The following CCDC141 variants were observed in gnomAD, a reference collection of about 807,000 sequenced individuals.
CCDC141 encodes coiled-coil domain containing 141.
Under a neutral mutation model 181.0 loss-of-function variants are expected in CCDC141, and 168 were observed. That is an observed-to-expected ratio of 0.93 (90% CI 0.82 to 1.05). CCDC141 has a LOEUF of 1.05. Among genes scored for constraint, CCDC141 ranks in the 50% least tolerant of loss-of-function variants. The pLI, the probability that CCDC141 is intolerant of heterozygous loss-of-function variation, is 0.00. For missense variants in CCDC141, 1,902 were observed against 1,788.5 expected (o/e 1.06, Z -1.14); for synonymous variants, 666 against 642.3 (o/e 1.04, Z -0.56).
chr2:178,866,144 T>A (rs1685842216), intron 16 of CCDC141, among the ~76,000 whole-genome samples: 1 of 152,238 alleles, frequency 6.6e-6, no homozygotes, highest in Non-Finnish European at 1.5e-5. Context: ...GTGTTGAAGA[T>A]TCGCTCATCA....
chr2:178,835,643 T>C (rs560689602), intron 23 of CCDC141: 7 of 152,370 alleles, frequency 4.6e-5, no homozygotes, highest in African/African-American at 1.4e-4. Flanking sequence ...GTTTACAACA[T>C]TGCAATATTC....
At chr2:179,039,358 T>C (rs2043231689) in intron 2 of CCDC141, among the ~76,000 whole-genome samples, 1 of 152,130 alleles carries the variant, frequency 6.6e-6, no homozygotes, top group Non-Finnish European at 1.5e-5. Context: ...AAGCAGAAAA[T>C]AGCTTTTCTA....
At chr2:178,952,704 C>T (rs1690000917) in intron 5 of CCDC141, among the ~76,000 whole-genome samples, 1 of 151,700 alleles carries the variant, frequency 6.6e-6, no homozygotes, top group African/African-American at 2.4e-5. Flanking sequence ...TAGAGATAGC[C>T]TATATACCAA....
intron 7 of CCDC141, among the ~76,000 whole-genome samples, chr2:178,911,056 G>T (rs138223039): frequency 1.3e-5 from 2 of 152,230 alleles, no homozygotes; most frequent in East Asian, 3.9e-4. Flanking sequence ...TTTTCTCTAA[G>T]TTGACCTAAA....
chr2:178,858,359 T>C (rs1013301082), intron 17 of CCDC141, among the ~76,000 whole-genome samples: 1 of 152,190 alleles, frequency 6.6e-6, no homozygotes, highest in Non-Finnish European at 1.5e-5. Flanking sequence ...GTCAATTTTA[T>C]AAGATTGAGA....
At chr2:178,827,438 A>G (rs944065735), downstream of CCDC141, among the ~76,000 whole-genome samples, 1 of 151,924 alleles carries the variant, frequency 6.6e-6, no homozygotes, top group Non-Finnish European at 1.5e-5. Context: ...GAACTTCTCT[A>G]TTCTCCTTCC....
At chr2:178,841,268 C>T (rs563686132) in intron 22 of CCDC141, among the ~76,000 whole-genome samples, 2 of 152,152 alleles carry the variant, frequency 1.3e-5, no homozygotes, top group Admixed American at 1.3e-4. Context: ...ATAACTTGGC[C>T]AAACCCTCAT....
chr2:178,893,821 A>G (rs201676595), intron 8 of CCDC141, among the ~76,000 whole-genome samples: 258 of 130,566 alleles, frequency 2.0e-3, no homozygotes, highest in East Asian at 0.014. Flanking sequence ...ACACACACAC[A>G]CGCACACACA....
At chr2:178,924,256 TG>T (rs1688828334) in intron 6 of CCDC141, among the ~76,000 whole-genome samples, 1 of 152,222 alleles carries the variant, frequency 6.6e-6, no homozygotes, top group African/African-American at 2.4e-5. Context: ...AAATCAAATC[TG>T]GGAGAAGCAT....
chr2:178,976,653 T>C (rs1408402069), intron 3 of CCDC141, among the ~76,000 whole-genome samples: 1 of 152,166 alleles, frequency 6.6e-6, no homozygotes, highest in East Asian at 1.9e-4. Context: ...GTAATAATGA[T>C]CAGCCATGCA....
At chr2:178,846,419 T>A (rs1428313095) in intron 21 of CCDC141, among the ~76,000 whole-genome samples, 1 of 152,198 alleles carries the variant, frequency 6.6e-6, no homozygotes, top group Non-Finnish European at 1.5e-5. Flanking sequence ...TTTAGAATGA[T>A]GATTATACTG....
chr2:178,877,820 A>G, intron 12 of CCDC141, 144 bp downstream of exon 12: 1 of 758,384 alleles, frequency 1.3e-6, no homozygotes, highest in South Asian at 1.6e-5. Context: ...GTTGGGCTTC[A>G]GGACTGGTCT....
intron 2 of CCDC141, among the ~76,000 whole-genome samples, chr2:179,003,738 T>C (rs1460162344): frequency 1.3e-5 from 2 of 152,184 alleles, no homozygotes; most frequent in East Asian, 1.9e-4. Context: ...ATGCCAATCA[T>C]GATAGCTTGC....
In CCDC141 at chr2:178,918,874, C is replaced by A; in HGVS notation, c.931G>T (p.Glu311Ter). 6.4e-7 allele frequency: 1 copy of A among 1,550,654 alleles called. No homozygotes were observed. Residue 311 changes from glutamate (E) to a stop codon, truncating the protein, a stop_gained, in exon 7 of 24, where the codon GAG (glutamate) becomes TAG (stop). Transcript: ENST00000443758. LOFTEE classifies it high-confidence loss of function. ...WNSAVEKLKS[E>*]ALRILLSKDY... is the part of the protein sequence containing the mutation. ...TTTGACAGCAGAATTCTCAGTGCCT[C>A]ACTCTTCAGCTTCTCAACAGCAGAA...
chr2:178,982,764 A>T (rs1259064277), intron 2 of CCDC141, among the ~76,000 whole-genome samples: 6 of 152,244 alleles, frequency 3.9e-5, no homozygotes, highest in Non-Finnish European at 7.4e-5. Flanking sequence ...TGACGGGCTT[A>T]AAAAAAGGCG....
At chr2:178,945,852 T>TGC (rs920552723) in intron 5 of CCDC141, among the ~76,000 whole-genome samples, 4 of 70,270 alleles carry the variant, frequency 5.7e-5, no homozygotes, top group Non-Finnish European at 9.8e-5. Flanking sequence ...GACACATGCG[T>TGC]GCACACACAC....
intron 9 of CCDC141, among the ~76,000 whole-genome samples, chr2:178,888,161 G>T (rs1215509811): frequency 6.6e-6 from 1 of 152,132 alleles, no homozygotes; most frequent in Non-Finnish European, 1.5e-5. Context: ...CTACAGTCCT[G>T]GTGTTGTATG....
At chr2:179,033,096 C>A (rs2043044686) in intron 2 of CCDC141, among the ~76,000 whole-genome samples, 1 of 150,366 alleles carries the variant, frequency 6.7e-6, no homozygotes, top group Admixed American at 6.7e-5. Flanking sequence ...TCATAGTGGA[C>A]TTAAAACACA....
chr2:178,847,001 T>G (rs114008880), intron 21 of CCDC141, among the ~76,000 whole-genome samples: 1 of 152,132 alleles, frequency 6.6e-6, no homozygotes, highest in African/African-American at 2.4e-5. Context: ...AGACATTTGC[T>G]CTCTTCATAC....
Sources: gnomAD v4.1 joint callset for allele counts (sites outside exome capture counted in the v4.1 genomes callset) on GRCh38, gnomAD v4.1.1 for gene constraint, MANE v1.5 for transcripts, NCBI Gene and HGNC (gene_info 2026-07-23, HGNC 2026-07-21) for gene names.